Variants in WSCD1 observed in about 807,000 individuals in gnomAD.
WSCD1 encodes the protein WSC domain sialate O sulfotransferase 1, also known as sialate:O-sulfotransferase 1.
Under a neutral mutation model 60.4 loss-of-function variants are expected in WSCD1, and 41 were observed. The ratio of observed to expected loss-of-function variants is 0.68; its 90% confidence interval spans 0.53 to 0.88. The LOEUF is 0.88. WSCD1 is among the 40% of genes least tolerant of loss of function. The pLI is 0.00. For missense variants in WSCD1, 784 were observed against 796.2 expected (o/e 0.98, Z 0.18); for synonymous variants, 361 against 332.5 (o/e 1.09, Z -0.93).
chr17:6,118,841 T>C lies in WSCD1; in HGVS notation c.1375+653T>C, dbSNP rs79863445. ...GAGCTGGGACTCACACCCAATGTCT[T>C]AGTCAGCTCTGGCTGCCATAACAAA... On this transcript the variant is annotated intron_variant, in intron 8 of 8. Transcript: ENST00000317744. This position sits in a 1 kb window ranked among gnomAD's most constrained non-coding sequence, Gnocchi z 5.8. Among the ~76,000 whole-genome samples the C allele has an allele frequency of 8.9e-3, 1,352 of 152,306 alleles. 21 individuals are homozygous for C. Among genetic ancestry groups the C allele is most frequent in the African/African-American group, 0.03 (1,267 of 41,574 alleles).
intron 5 of WSCD1, among the ~76,000 whole-genome samples, chr17:6,102,087 CCT>C (rs1449624468): frequency 6.6e-6 from 1 of 152,194 alleles, no homozygotes; most frequent in East Asian, 1.9e-4. Flanking sequence ...CCTCTTTTAG[CCT>C]CTTTTGGGCG....
rs144895337 is a variant in WSCD1 at position 6,081,652 on chromosome 17, C to T, written c.427+567C>T. The stretch of plus-strand genomic sequence containing the variant: ...CTGGAATCTGGGAAGCAGAGGTTGC[C>T]GTGAGCAGAGATCGGGCCACTGCAC... On this transcript the variant is annotated intron_variant, in intron 2 of 8. Transcript: ENST00000317744. Among the ~76,000 whole-genome samples, 673 of 149,590 alleles carry T rather than the reference C, an allele frequency of 4.5e-3. 2 individuals are homozygous for T. Among genetic ancestry groups the T allele is most frequent in the African/African-American group, 0.016 (636 of 40,536 alleles).
At chr17:6,078,985 A>T (rs1255640496) in intron 1 of WSCD1, among the ~76,000 whole-genome samples, 2 of 152,146 alleles carry the variant, frequency 1.3e-5, no homozygotes, top group Non-Finnish European at 2.9e-5. Flanking sequence ...CCAGAGTTTA[A>T]TTCCACCTTC....
chr17:6,108,330 A>G (rs1911218232), intron 5 of WSCD1, among the ~76,000 whole-genome samples: 1 of 152,166 alleles, frequency 6.6e-6, no homozygotes, highest in Admixed American at 6.5e-5. Flanking sequence ...TCCCCTTAGC[A>G]GTGAGAAGTT....
chr17:6,107,475 T>C (rs1179330716), intron 5 of WSCD1, among the ~76,000 whole-genome samples: 2 of 151,778 alleles, frequency 1.3e-5, no homozygotes, highest in East Asian at 3.9e-4. Flanking sequence ...CACTCCAGCC[T>C]GTGCAACAGA....
intron 5 of WSCD1, among the ~76,000 whole-genome samples, chr17:6,099,660 T>C (rs1267427486): frequency 6.6e-6 from 1 of 152,070 alleles, no homozygotes; most frequent in Non-Finnish European, 1.5e-5. Context: ...TGCATTTGCA[T>C]ATTAAAGGAC....
chr17:6,074,368 C>A (rs751374761), intron 1 of WSCD1, among the ~76,000 whole-genome samples: 4 of 152,188 alleles, frequency 2.6e-5, no homozygotes, highest in Admixed American at 6.5e-5. Flanking sequence ...AGTTGTTAGG[C>A]CTGTCAGTAA....
At chr17:6,105,979 C>G (rs183962376) in intron 5 of WSCD1, among the ~76,000 whole-genome samples, 4 of 152,338 alleles carry the variant, frequency 2.6e-5, no homozygotes, top group Admixed American at 2.6e-4. Flanking sequence ...TAGTTTCCAG[C>G]AGCTTCTGGT....
At chr17:6,113,230 G>T (rs1348787136) in intron 7 of WSCD1, among the ~76,000 whole-genome samples, 3 of 152,174 alleles carry the variant, frequency 2.0e-5, no homozygotes, top group Non-Finnish European at 4.4e-5. Flanking sequence ...GTGTTGGGAA[G>T]ACTGGATAAC....
chr17:6,114,169 A>AT (rs1318037380), intron 7 of WSCD1, among the ~76,000 whole-genome samples: 2 of 151,776 alleles, frequency 1.3e-5, no homozygotes, highest in South Asian at 2.1e-4. Flanking sequence ...AAAAAAAAAA[A>AT]AAAGAATTAA....
At chr17:6,119,970 T>C (rs1370500967) in intron 8 of WSCD1, among the ~76,000 whole-genome samples, 2 of 152,238 alleles carry the variant, frequency 1.3e-5, no homozygotes, top group African/African-American at 4.8e-5. Context: ...TATGTCCTAC[T>C]GCCCTGCAGT....
rs778588504 is a variant in WSCD1 at position 6,087,962 on chromosome 17, G to A, written c.428-28G>A. 5 of 1,568,418 alleles carry A rather than the reference G, an allele frequency of 3.2e-6. No individual in the cohort carries two copies. The African/African-American group carries it at 6.7e-5, about 21-fold the overall frequency. ...GTGGGCCCATGATTCCTGGGCCTCT[G>A]GTATTAGCCATGCTTCCCTTTCTGC... On this transcript the variant is annotated intron_variant, in intron 2 of 8. Coordinates refer to ENST00000317744, the MANE Select transcript of WSCD1 (RefSeq NM_015253.2).
At chr17:6,092,440 G>A (rs1295081084) in intron 4 of WSCD1, among the ~76,000 whole-genome samples, 2 of 152,130 alleles carry the variant, frequency 1.3e-5, no homozygotes, top group Non-Finnish European at 2.9e-5. Flanking sequence ...GGACAGGGGC[G>A]GAGAAACTGA....
In WSCD1 at chr17:6,080,267, T is replaced by C. The variant is rs369183775; in HGVS notation, c.-288-104T>C. On this transcript the variant is annotated intron_variant, in intron 1 of 8. Transcript: ENST00000317744. The surrounding 1 kb of genome is among the most constrained non-coding windows in gnomAD (Gnocchi z 6.6). ...TTGTCCAGTGCTCCTGCAACACAGC[T>C]GGTCCTTGGATAAAGCAAGCACAGG... 4.6e-5 allele frequency: 11 copies of C among 239,450 alleles called. No individual in the cohort carries two copies. The highest frequency in any genetic ancestry group is 3.4e-4 in the Admixed American group (6 of 17,446). 14.8% of individuals were successfully genotyped at this position (239,450 alleles called of 1,614,324 possible). A position where few individuals can be genotyped will look rare whatever the true frequency, so the allele number is the denominator to read the frequency against.
intron 3 of WSCD1, among the ~76,000 whole-genome samples, chr17:6,088,683 G>A (rs1246915005): frequency 7.8e-6 from 1 of 127,510 alleles, no homozygotes; most frequent in Non-Finnish European, 1.7e-5. Context: ...CTGACTGTGT[G>A]TCTGTGTGTG....
chr17:6,107,534 C>T (rs531300268), intron 5 of WSCD1, among the ~76,000 whole-genome samples: 1 of 151,938 alleles, frequency 6.6e-6, no homozygotes, highest in South Asian at 2.1e-4. Context: ...ATCCTACATC[C>T]AAATAAGGTC....
intron 2 of WSCD1, among the ~76,000 whole-genome samples, chr17:6,083,700 A>ATCGCTTGAT (rs1909430824): frequency 1.3e-5 from 2 of 152,010 alleles, no homozygotes; most frequent in Non-Finnish European, 2.9e-5. Flanking sequence ...AATCGCTTGA[A>ATCGCTTGAT]CCCAGGAGGC....
intron 2 of WSCD1, among the ~76,000 whole-genome samples, chr17:6,087,552 C>T (rs1909737047): frequency 6.6e-6 from 1 of 152,336 alleles, no homozygotes; most frequent in South Asian, 2.1e-4. Flanking sequence ...TAACTGATTT[C>T]TTCTCTCTGG....
rs976437997 is a variant in WSCD1, at chr17:6,121,291, C to G, written c.*630C>G. 2 of 152,646 alleles carry G rather than the reference C, an allele frequency of 1.3e-5. No homozygotes were observed. The highest frequency in any genetic ancestry group is 1.9e-4 in the East Asian group (1 of 5,170). 9.5% of individuals were successfully genotyped at this position (152,646 alleles called of 1,614,324 possible). A position where few individuals can be genotyped will look rare whatever the true frequency, so the allele number is the denominator to read the frequency against. Reference sequence around the variant, plus strand: ...GTGTGTGGTGTGACTACGGGCACCACAAACTCCGCAGCCTTGCCTCTCTTT... The same window carrying G: ...GTGTGTGGTGTGACTACGGGCACCAGAAACTCCGCAGCCTTGCCTCTCTTT... On this transcript the variant is annotated 3_prime_UTR_variant, in exon 9 of 9. Transcript: ENST00000317744.
Sources: allele counts gnomAD v4.1 joint callset (sites outside exome capture counted in the v4.1 genomes callset), GRCh38; gene constraint gnomAD v4.1.1; non-coding constraint Gnocchi (gnomAD v3.1); transcripts MANE v1.5; gene names NCBI Gene and HGNC (gene_info 2026-07-23, HGNC 2026-07-21).